RASSF2: variants seen among roughly 807,000 people sequenced by gnomAD.
RASSF2 encodes Ras association domain family member 2, also known as ras association domain-containing protein 2.
A neutral mutation model predicts 46.3 loss-of-function variants in RASSF2; 34 were observed. The observed-to-expected ratio is 0.73, with a 90% confidence interval of 0.56 to 0.98. RASSF2 has a LOEUF of 0.98. RASSF2 is among the 50% of genes least tolerant of loss of function. The pLI is 0.00. For synonymous variants in RASSF2, 158 were observed against 162.5 expected, an observed-to-expected ratio of 0.97 and a Z score of 0.21; for missense variants, 364 against 431.2, an observed-to-expected ratio of 0.84 and a Z score of 1.38.
chr20:4,797,916 G>A (rs1452997864), intron 4 of RASSF2, 94 bp downstream of exon 4: 4 of 1,546,858 alleles, frequency 2.6e-6, no homozygotes, highest in Non-Finnish European at 3.5e-6. Flanking sequence ...AGGAGAGGCA[G>A]GGTTCTCTTG....
At chr20:4,819,876 G>A (rs1394614741) in intron 2 of RASSF2, among the ~76,000 whole-genome samples, 4 of 152,334 alleles carry the variant, frequency 2.6e-5, no homozygotes, top group East Asian at 1.9e-4. Context: ...CATTTTGCCC[G>A]TTCCACAGGA....
intron 2 of RASSF2, among the ~76,000 whole-genome samples, chr20:4,813,449 G>C (rs1049272385): frequency 6.6e-6 from 1 of 152,222 alleles, no homozygotes; most frequent in African/African-American, 2.4e-5. Context: ...ACTCCTGCCG[G>C]AAAGGCCTGC....
intron 1 of RASSF2, among the ~76,000 whole-genome samples, chr20:4,822,633 C>T (rs77618509): frequency 0.028 from 4,291 of 152,378 alleles, 219 homozygotes; most frequent in African/African-American, 0.098. Flanking sequence ...GGGCCGCCCA[C>T]GGCACCTGCC....
Position 4,790,616 on chromosome 20 carries a change from G to C in RASSF2, c.377-5C>G, listed in dbSNP as rs372989702. The C allele has an allele frequency of 1.2e-5, 18 of 1,516,170 alleles. No homozygotes were observed. The highest frequency in any genetic ancestry group is 8.7e-7 in the Non-Finnish European group (1 of 1,144,106). 93.9% of individuals were successfully genotyped at this position (1,516,170 alleles called of 1,614,324 possible). On this transcript the variant is annotated splice_region_variant and splice_polypyrimidine_tract_variant and intron_variant, in intron 6 of 11. Transcript: ENST00000379400. The surrounding 1 kb of genome is among the most constrained non-coding windows in gnomAD (Gnocchi z 4.3). Reference sequence around the variant, plus strand: ...GGGGCTTCAGGCCCCTGGAGTCTGAGAGAGGAGAGGGAAATGAACTCTGTC... The same window carrying C: ...GGGGCTTCAGGCCCCTGGAGTCTGACAGAGGAGAGGGAAATGAACTCTGTC...
At chr20:4,816,476 A>G (rs1210151829) in intron 2 of RASSF2, among the ~76,000 whole-genome samples, 1 of 152,188 alleles carries the variant, frequency 6.6e-6, no homozygotes, top group Non-Finnish European at 1.5e-5. Context: ...TGAGGGGGTT[A>G]TTGTTTAATG....
At chr20:4,809,284 A>G (rs2065009) in intron 2 of RASSF2, among the ~76,000 whole-genome samples, 126,306 of 152,082 alleles carry the variant, frequency 0.83, 52,605 homozygotes, top group East Asian at 0.97. Flanking sequence ...TCCTCTGGCC[A>G]TTTAATATGA....
chr20:4,789,091 G>C (rs1307426767), intron 8 of RASSF2, among the ~76,000 whole-genome samples: 4 of 152,156 alleles, frequency 2.6e-5, no homozygotes, highest in Non-Finnish European at 5.9e-5. Flanking sequence ...GTCTCCAAGA[G>C]ATTGTGGAAA....
At position 4,790,477 on chromosome 20, in the gene RASSF2, T is replaced by A. The variant is rs1925775713; in HGVS notation, c.511A>T (p.Ile171Phe). 1 of 1,498,070 alleles carries A rather than the reference T, an allele frequency of 6.7e-7. No individual in the cohort carries two copies. The highest frequency in any genetic ancestry group is 1.5e-5 in the African/African-American group (1 of 68,208). The allele number at this position is 1,498,070 out of a possible 1,614,324, so 92.8% of individuals were successfully genotyped here. A position where few individuals can be genotyped will look rare whatever the true frequency, so the allele number is the denominator to read the frequency against. The change falls in exon 7 of 12, where the codon ATC (isoleucine) becomes TTC (phenylalanine). Residue 171 changes from isoleucine (I) to phenylalanine (F), a missense_variant. Ile to Phe is a conservative substitution (Grantham distance 21). Transcript: ENST00000379400. The surrounding 1 kb of genome is among the most constrained non-coding windows in gnomAD (Gnocchi z 4.3). ...TTATGGTTGTAGAAATGGCCGTTGATGGAGAAGCGGTGGCGTCTGATTCGC... is the reference window on the plus strand; with the variant it reads ...TTATGGTTGTAGAAATGGCCGTTGAAGGAGAAGCGGTGGCGTCTGATTCGC... ...QRRIRRHRFS[I>F]NGHFYNHKTS...
chr20:4,802,579 C>T lies in RASSF2; in HGVS notation c.-32-1517G>A, dbSNP rs73588963. Among the ~76,000 whole-genome samples the T allele has an allele frequency of 5.1e-3, 773 of 152,162 alleles. 7 individuals are homozygous for T. The highest frequency in any genetic ancestry group is 0.018 in the African/African-American group (736 of 41,518). On this transcript the variant is annotated intron_variant, in intron 2 of 11. Coordinates refer to ENST00000379400, the MANE Select transcript of RASSF2 (RefSeq NM_014737.3). ...CAGGCCACACCCAAAAAGAAAAATA[C>T]CATATGATTCCACTTTTATGAGGTA...
intron 7 of RASSF2, among the ~76,000 whole-genome samples, 167 bp from the exon 8 acceptor site, chr20:4,789,864 T>A (rs1289304541): frequency 2.0e-5 from 3 of 152,010 alleles, no homozygotes; most frequent in Non-Finnish European, 2.9e-5. Context: ...ACCCTCGGGG[T>A]TTGCATAATT....
intron 7 of RASSF2, 70 bp from the exon 8 acceptor site, chr20:4,789,767 T>C: frequency 2.3e-6 from 3 of 1,303,028 alleles, no homozygotes; most frequent in Non-Finnish European, 3.3e-6. Flanking sequence ...CCAGGTGCGG[T>C]ACAGGGCACA....
Position 4,786,287 on chromosome 20 carries a change from G to C in RASSF2, c.855C>G (p.Ser285Arg). 1 of 1,613,568 alleles carries C rather than the reference G, an allele frequency of 6.2e-7. No individual in the cohort carries two copies. The highest frequency in any genetic ancestry group is 8.5e-7 in the Non-Finnish European group (1 of 1,179,458). The change falls in exon 11 of 12, where the codon AGC (serine) becomes AGG (arginine). Residue 285 changes from serine (S) to arginine (R), a missense_variant. By Grantham distance (110) the Ser-to-Arg change is moderately radical (BLOSUM62 -1). Coordinates refer to ENST00000379400, the MANE Select transcript of RASSF2 (RefSeq NM_014737.3). ...YIKFEMPVLKSFIQKLQEEED... is the reference protein window; with the variant it reads ...YIKFEMPVLKRFIQKLQEEED... ...CTTCCTCCTGGAGCTTCTGAATGAAGCTTTTAAGTACCGGCATCTCGAACT... is the reference window on the plus strand; with the variant it reads ...CTTCCTCCTGGAGCTTCTGAATGAACCTTTTAAGTACCGGCATCTCGAACT...
At chr20:4,799,357 T>C (rs1278936836) in intron 3 of RASSF2, among the ~76,000 whole-genome samples, 2 of 152,102 alleles carry the variant, frequency 1.3e-5, no homozygotes, top group East Asian at 1.9e-4. Flanking sequence ...TCAAGTTTCA[T>C]CTGAAAGTGC....
intron 2 of RASSF2, among the ~76,000 whole-genome samples, chr20:4,806,065 C>T (rs1376130466): frequency 1.3e-5 from 2 of 152,116 alleles, no homozygotes; most frequent in African/African-American, 4.8e-5. Flanking sequence ...GTGAAGGGGA[C>T]AGGGCCTAGA....
chr20:4,812,417 G>A lies in RASSF2; in HGVS notation c.-33+9912C>T, dbSNP rs62199457. Among the ~76,000 whole-genome samples, 27 of 152,192 alleles carry A rather than the reference G, an allele frequency of 1.8e-4. No individual in the cohort carries two copies. The highest frequency in any genetic ancestry group is 3.1e-4 in the Non-Finnish European group (21 of 68,022). On this transcript the variant is annotated intron_variant, in intron 2 of 11. Transcript: ENST00000379400. The surrounding 1 kb of genome is among the most constrained non-coding windows in gnomAD (Gnocchi z 4.0). Reference sequence around the variant, plus strand: ...GGGCGGAGCTGAGGCTCAAATCCAGGGCGGTGCAGGTGCCAAGCGGAACCC... The same window carrying A: ...GGGCGGAGCTGAGGCTCAAATCCAGAGCGGTGCAGGTGCCAAGCGGAACCC...
chr20:4,786,413 A>C (rs1273070136), intron 10 of RASSF2, 85 bp from the exon 11 acceptor site: 1 of 1,128,196 alleles, frequency 8.9e-7, no homozygotes, highest in African/African-American at 1.5e-5. Flanking sequence ...ACAAGGCACA[A>C]AGCCTTGGGA....
At chr20:4,820,686 A>T (rs1928632395) in intron 2 of RASSF2, among the ~76,000 whole-genome samples, 1 of 152,156 alleles carries the variant, frequency 6.6e-6, no homozygotes, top group Admixed American at 6.5e-5. Flanking sequence ...CAGCTGTGGC[A>T]GTTCTCAGCT....
chr20:4,780,500 A>T lies in RASSF2; in HGVS notation c.*3773T>A, dbSNP rs1320747595. On this transcript the variant is annotated 3_prime_UTR_variant, in exon 12 of 12. Transcript: ENST00000379400. The stretch of plus-strand genomic sequence containing the variant: ...CTTATTTTTACATCTCTAGGAAATC[A>T]TATCTCATCTCATCTGAGCGAAGCA... 6.6e-6 allele frequency: 1 copy of T among 152,338 alleles called. No homozygotes were observed. The highest frequency in any genetic ancestry group is 1.9e-4 in the East Asian group (1 of 5,178). The allele number at this position is 152,338 out of a possible 1,614,324, so 9.4% of individuals were successfully genotyped here.
chr20:4,797,333 G>A (rs570849089), intron 4 of RASSF2, among the ~76,000 whole-genome samples: 11 of 152,272 alleles, frequency 7.2e-5, no homozygotes, highest in Non-Finnish European at 1.0e-4. Flanking sequence ...TGGTTAAATC[G>A]CCACAGCTTG....
Sources: gnomAD v4.1 joint callset for allele counts (sites outside exome capture counted in the v4.1 genomes callset) on GRCh38, gnomAD v4.1.1 for gene constraint, Gnocchi (gnomAD v3.1) non-coding constraint, MANE v1.5 for transcripts, NCBI Gene and HGNC (gene_info 2026-07-23, HGNC 2026-07-21) for gene names.